The following FBXW8 variants were observed in gnomAD, a reference collection of about 807,000 sequenced individuals.
FBXW8 encodes F-box and WD repeat domain containing 8.
A neutral mutation model predicts 65.3 loss-of-function variants in FBXW8; 57 were observed. That is an observed-to-expected ratio of 0.87 (90% confidence interval 0.71 to 1.09). The LOEUF is 1.09. Among genes scored for constraint, FBXW8 ranks in the 50% least tolerant of loss-of-function variants. FBXW8 has a pLI of 0.00. For synonymous variants in FBXW8, 308 were observed against 330.2 expected, an observed-to-expected ratio of 0.93 and a Z score of 0.73; for missense variants, 777 against 814.8, an observed-to-expected ratio of 0.95 and a Z score of 0.57.
At chr12:117,005,285 A>G (rs551524493) in intron 7 of FBXW8, among the ~76,000 whole-genome samples, 86 of 152,336 alleles carry the variant, frequency 5.6e-4, no homozygotes, top group African/African-American at 2.0e-3. Flanking sequence ...ATCGTGTACC[A>G]ATCAGTGAGC....
intron 5 of FBXW8, among the ~76,000 whole-genome samples, chr12:116,980,619 C>G (rs777373953): frequency 6.6e-6 from 1 of 152,046 alleles, no homozygotes; most frequent in African/African-American, 2.4e-5. Context: ...GAATTTATAT[C>G]AGATTTAAAA....
In FBXW8 at chr12:117,028,837, T is replaced by G. The variant is rs889561821; in HGVS notation, c.*665T>G. On this transcript the variant is annotated 3_prime_UTR_variant, in exon 11 of 11. Transcript: ENST00000652555. The surrounding 1 kb of genome is among the most constrained non-coding windows in gnomAD (Gnocchi z 4.1). Reference sequence around the variant, plus strand: ...AAATATTTTCTAAATATTCATTGACTAAACAGCCATCAAGATGAAACAGGA... The same window carrying G: ...AAATATTTTCTAAATATTCATTGACGAAACAGCCATCAAGATGAAACAGGA... 2.0e-5 allele frequency: 3 copies of G among 152,498 alleles called. No individual in the cohort carries two copies. The highest frequency in any genetic ancestry group is 7.2e-5 in the African/African-American group (3 of 41,454). 9.4% of individuals were successfully genotyped at this position (152,498 alleles called of 1,614,324 possible).
intron 7 of FBXW8, among the ~76,000 whole-genome samples, chr12:117,004,534 C>T (rs1056420416): frequency 6.6e-6 from 1 of 152,164 alleles, no homozygotes; most frequent in Non-Finnish European, 1.5e-5. Flanking sequence ...CTTTATTAGG[C>T]TTGGATTCTT....
intron 2 of FBXW8, among the ~76,000 whole-genome samples, chr12:116,942,666 G>A (rs777906380): frequency 1.3e-4 from 20 of 151,820 alleles, no homozygotes; most frequent in East Asian, 1.9e-4. Flanking sequence ...GAGCCACTGC[G>A]CCTGGCCAAA....
At chr12:116,964,989 T>G in intron 5 of FBXW8, 135 bp downstream of exon 5, 2 of 850,058 alleles carry the variant, frequency 2.4e-6, no homozygotes, top group Non-Finnish European at 3.5e-6. Flanking sequence ...ACACATACAC[T>G]CACTCTTGCT....
chr12:117,023,017 A>G (rs1012049776), intron 8 of FBXW8, among the ~76,000 whole-genome samples: 5 of 152,208 alleles, frequency 3.3e-5, no homozygotes, highest in African/African-American at 9.7e-5. Context: ...TTTCTTTCAG[A>G]GAGTATCCAC....
intron 8 of FBXW8, among the ~76,000 whole-genome samples, chr12:117,020,672 C>T (rs1019551206): frequency 3.3e-5 from 5 of 152,170 alleles, no homozygotes; most frequent in Non-Finnish European, 7.3e-5. Context: ...CAGGAGTCTC[C>T]ATACTCCGCT....
Position 116,961,085 on chromosome 12 carries a change from C to T in FBXW8, c.678-3612C>T, listed in dbSNP as rs1883958647. ...AATCTCGGCTCACTGCAACCTCCAC[C>T]TCCCAGTTCAAGCGATTCTTCTGCC... On this transcript the variant is annotated intron_variant, in intron 4 of 10. Transcript: ENST00000652555. The surrounding 1 kb of genome is among the most constrained non-coding windows in gnomAD (Gnocchi z 4.4). 6.6e-6 allele frequency among the ~76,000 whole-genome samples: 1 copy of T among 152,180 alleles called. No individual in the cohort carries two copies. The highest frequency in any genetic ancestry group is 2.4e-5 in the African/African-American group (1 of 41,450).
intron 8 of FBXW8, among the ~76,000 whole-genome samples, chr12:117,012,258 TAA>T (rs1365648890): frequency 6.6e-6 from 1 of 152,170 alleles, no homozygotes; most frequent in Non-Finnish European, 1.5e-5. Context: ...CTGACTATGT[TAA>T]GTCCATTTTA....
chr12:116,991,894 G>A (rs1054216905), intron 7 of FBXW8, among the ~76,000 whole-genome samples: 15 of 152,150 alleles, frequency 9.9e-5, no homozygotes, highest in African/African-American at 3.6e-4. Context: ...TTCTTACACC[G>A]TATGATGCCC....
intron 9 of FBXW8, 35 bp downstream of exon 9, chr12:117,024,355 A>G (rs776011595): frequency 6.2e-7 from 1 of 1,611,654 alleles, no homozygotes; most frequent in Non-Finnish European, 8.5e-7. Flanking sequence ...GGGAGTTCCT[A>G]GTAGGAACAG....
rs1462755588 is a variant in FBXW8, at chr12:117,010,410, A to G, written c.1327A>G (p.Ser443Gly). ...RDFTCVNLSD[S>G]PPNLMVSGNM... The stretch of plus-strand genomic sequence containing the variant: ...CTTCACGTGTGTCAACCTCAGCGAC[A>G]GCCCTCCCAACCTCATGGTCAGTGG... Residue 443 changes from serine to glycine, a missense_variant, in exon 8 of 11, where the codon AGC (serine) becomes GGC (glycine). Ser to Gly is a moderately conservative substitution (Grantham distance 56). Transcript: ENST00000652555. 15 of 1,614,112 alleles carry G rather than the reference A, an allele frequency of 9.3e-6. 1 individual carries two copies. The South Asian group carries it at 1.6e-4, about 18-fold the overall frequency.
chr12:116,955,039 G>C (rs12308280), intron 4 of FBXW8, among the ~76,000 whole-genome samples: 14,607 of 146,284 alleles, frequency 0.1, 921 homozygotes, highest in African/African-American at 0.16. Context: ...CTTGAAATGG[G>C]GGGGGGGGGC....
At position 116,972,000 on chromosome 12, in the gene FBXW8, G is replaced by C. The variant is rs115620153; in HGVS notation, c.835+7146G>C. On this transcript the variant is annotated intron_variant, in intron 5 of 10. Transcript: ENST00000652555. ...GATGACCAGTTTCTGGGATAACTAT[G>C]CATTTTTGAAGTTACTAGTGAAAGT... Among the ~76,000 whole-genome samples the C allele has an allele frequency of 2.3e-3, 350 of 152,260 alleles. 1 individual carries two copies. Among genetic ancestry groups the C allele is most frequent in the African/African-American group, 7.8e-3 (326 of 41,540 alleles).
At chr12:116,938,206 GAAGA>G (rs375661630) in intron 2 of FBXW8, among the ~76,000 whole-genome samples, 112 of 152,028 alleles carry the variant, frequency 7.4e-4, no homozygotes, top group African/African-American at 2.5e-3. Flanking sequence ...TCCTTTAAAA[GAAGA>G]AAGAAAAGCA....
intron 5 of FBXW8, among the ~76,000 whole-genome samples, chr12:116,972,207 G>A (rs1352104457): frequency 2.0e-5 from 3 of 152,200 alleles, no homozygotes; most frequent in African/African-American, 7.2e-5. Context: ...GTTACAAACT[G>A]AAAGAAGCAA....
intron 1 of FBXW8, among the ~76,000 whole-genome samples, chr12:116,923,766 G>T (rs1881098148): frequency 6.6e-6 from 1 of 151,722 alleles, no homozygotes; most frequent in South Asian, 2.1e-4. Context: ...TGTCGCCCGG[G>T]CTGGAGTGCA....
rs17582998 is a variant in FBXW8, at chr12:116,934,575, A to C, written c.423+6448A>C. Among the ~76,000 whole-genome samples the C allele has an allele frequency of 8.3e-3, 1,261 of 152,344 alleles. 58 individuals are homozygous for C. The South Asian group carries it at 0.1, about 13-fold the overall frequency. ...AGTCTGCCATTATATTACAGTGTGAATAATTCTGAGGAGTGATGGCTTTTA... is the reference window on the plus strand; with the variant it reads ...AGTCTGCCATTATATTACAGTGTGACTAATTCTGAGGAGTGATGGCTTTTA... On this transcript the variant is annotated intron_variant, in intron 2 of 10. Coordinates refer to ENST00000652555, the MANE Select transcript of FBXW8 (RefSeq NM_153348.3).
intron 1 of FBXW8, among the ~76,000 whole-genome samples, chr12:116,916,292 T>C (rs1389946521): frequency 6.6e-6 from 1 of 152,188 alleles, no homozygotes; most frequent in Non-Finnish European, 1.5e-5. Flanking sequence ...TTTTCCAAAG[T>C]AGTTGTACTG....
Sources: gnomAD v4.1 joint callset for allele counts (sites outside exome capture counted in the v4.1 genomes callset) on GRCh38, gnomAD v4.1.1 for gene constraint, Gnocchi (gnomAD v3.1) non-coding constraint, MANE v1.5 for transcripts, NCBI Gene and HGNC (gene_info 2026-07-23, HGNC 2026-07-21) for gene names.